Variants in SLC26A4 observed in about 807,000 individuals in gnomAD.
SLC26A4 encodes the protein pendrin.
Under a neutral mutation model 90.4 loss-of-function variants are expected in SLC26A4, and 93 were observed. That is an observed-to-expected ratio of 1.03 (90% CI 0.87 to 1.22). The LOEUF (loss-of-function observed/expected upper bound fraction) is 1.22. SLC26A4 is among the 50% of genes most tolerant of loss of function. SLC26A4 has a pLI of 0.00. For missense variants in SLC26A4, 1,127 were observed against 946.2 expected (o/e 1.19, Z -2.51); for synonymous variants, 393 against 354.6 (o/e 1.11, Z -1.22).
At position 107,716,959 on chromosome 7, in the gene SLC26A4, T is replaced by A. The variant is rs981570991; in HGVS notation, c.*1513T>A. On this transcript the variant is annotated 3_prime_UTR_variant, in exon 21 of 21. Transcript: ENST00000644269. ...ATTAATGATCATACAAATGGGTTAA[T>A]CCTGAATTCTGGTTGTAAATCTGGT... 1 of 152,240 alleles carries A rather than the reference T, an allele frequency of 6.6e-6. No individual in the cohort carries two copies. The highest frequency in any genetic ancestry group is 2.4e-5 in the African/African-American group (1 of 41,464). The allele number at this position is 152,240 out of a possible 1,614,324, so 9.4% of individuals were successfully genotyped here.
chr7:107,691,512 T>TCTAC (rs1554359054), intron 10 of SLC26A4, among the ~76,000 whole-genome samples: 1 of 110,520 alleles, frequency 9.0e-6, no homozygotes, highest in African/African-American at 4.0e-5. Flanking sequence ...CAAATATATA[T>TCTAC]ATACACACAC....
chr7:107,699,553 T>C (rs1791828677), intron 14 of SLC26A4, among the ~76,000 whole-genome samples: 1 of 152,202 alleles, frequency 6.6e-6, no homozygotes, highest in African/African-American at 2.4e-5. Context: ...TAAATTGCTT[T>C]CTAAGGCCCT....
chr7:107,689,170 C>A lies in SLC26A4; in HGVS notation c.1119C>A (p.Thr373=). 2 of 1,613,768 alleles carry A rather than the reference C, an allele frequency of 1.2e-6. No homozygotes were observed. Among genetic ancestry groups the A allele is most frequent in the Non-Finnish European group, 1.7e-6 (2 of 1,179,804 alleles). The change falls in exon 9 of 21, where the codon ACC becomes ACA. Residue 373 remains threonine (T), a synonymous_variant. Coordinates refer to ENST00000644269, the MANE Select transcript of SLC26A4 (RefSeq NM_000441.2). The part of the protein sequence containing the change: ...IAVSVGKVYA[T]KYDYTIDGNQ... ...TGTCAGTAGGAAAAGTATATGCCACCAAGTATGATTACACCATCGATGGGA... is the reference window on the plus strand; with the variant it reads ...TGTCAGTAGGAAAAGTATATGCCACAAAGTATGATTACACCATCGATGGGA...
intron 10 of SLC26A4, among the ~76,000 whole-genome samples, chr7:107,691,514 T>TATACACAC (rs1417607238): frequency 0.018 from 2,327 of 130,990 alleles, 41 homozygotes; most frequent in Middle Eastern, 0.057. Context: ...AATATATATA[T>TATACACAC]ACACACACAC....
chr7:107,685,877 T>C (rs1791383062), intron 8 of SLC26A4, among the ~76,000 whole-genome samples: 1 of 152,148 alleles, frequency 6.6e-6, no homozygotes, highest in South Asian at 2.1e-4. Context: ...TGTGTGTATG[T>C]GTGTGTGTGT....
intron 8 of SLC26A4, among the ~76,000 whole-genome samples, chr7:107,686,272 C>T (rs1328352735): frequency 2.5e-4 from 33 of 130,300 alleles, no homozygotes; most frequent in African/African-American, 9.5e-4. Context: ...TCCCTTCCTT[C>T]CCTCCCTTCC....
chr7:107,666,952 G>A (rs1790731916), intron 3 of SLC26A4, among the ~76,000 whole-genome samples: 1 of 152,346 alleles, frequency 6.6e-6, no homozygotes, highest in African/African-American at 2.4e-5. Context: ...AGAGCTGCAA[G>A]ATAGGAATAT....
chr7:107,712,635 T>C lies in SLC26A4; in HGVS notation c.2319+13T>C, dbSNP rs1259186655. On this transcript the variant is annotated intron_variant, in intron 20 of 20. Coordinates refer to ENST00000644269, the MANE Select transcript of SLC26A4 (RefSeq NM_000441.2). ...TGTCCAGGATGAGGTATGATCATTT[T>C]CTTCTGAAGAAAATATTTGAATTAC... 6 of 1,354,438 alleles carry C rather than the reference T, an allele frequency of 4.4e-6. No individual in the cohort carries two copies. Among genetic ancestry groups the C allele is most frequent in the Non-Finnish European group, 6.4e-6 (6 of 943,552 alleles). The allele number at this position is 1,354,438 out of a possible 1,614,324, so 83.9% of individuals were successfully genotyped here. A position where few individuals can be genotyped will look rare whatever the true frequency, so the allele number is the denominator to read the frequency against.
chr7:107,691,108 T>TACACAC (rs113420862), intron 10 of SLC26A4, among the ~76,000 whole-genome samples: 33,603 of 141,276 alleles, frequency 0.24, 4,193 homozygotes, highest in East Asian at 0.39. Context: ...CATAGTGCAA[T>TACACAC]ACACACACAC....
chr7:107,707,221 CA>C (rs1422478248), intron 18 of SLC26A4, among the ~76,000 whole-genome samples: 2 of 152,102 alleles, frequency 1.3e-5, no homozygotes, highest in Non-Finnish European at 2.9e-5. Flanking sequence ...ATCTGGAAAA[CA>C]AATATTAAAA....
At chr7:107,701,806 G>A in intron 16 of SLC26A4, 21 bp from the exon 17 acceptor site, 2 of 1,409,616 alleles carry the variant, frequency 1.4e-6, no homozygotes, top group Non-Finnish European at 2.0e-6. Flanking sequence ...CAATTAAGTT[G>A]ACAGTGTTTT....
At chr7:107,666,205 ATT>A (rs1015102884) in intron 3 of SLC26A4, among the ~76,000 whole-genome samples, 1 of 152,166 alleles carries the variant, frequency 6.6e-6, no homozygotes, top group Admixed American at 6.5e-5. Flanking sequence ...ATAGGGATTA[ATT>A]TGAAAGGTGG....
chr7:107,663,383 G>T lies in SLC26A4; in HGVS notation c.252G>T (p.Leu84=), dbSNP rs2129309190. The part of the protein sequence containing the change: ...WLPKYRVKEW[L]LSDVISGVST... Reference sequence around the variant, plus strand: ...CCAAATACCGAGTCAAGGAATGGCTGCTTAGTGACGTCATTTCGGGAGTTA... The same window carrying T: ...CCAAATACCGAGTCAAGGAATGGCTTCTTAGTGACGTCATTTCGGGAGTTA... Residue 84 remains leucine (L), a synonymous_variant, in exon 3 of 21, where the codon CTG becomes CTT. Transcript: ENST00000644269. The T allele has an allele frequency of 1.9e-6, 3 of 1,614,132 alleles. No homozygotes were observed. The highest frequency in any genetic ancestry group is 2.5e-6 in the Non-Finnish European group (3 of 1,179,976).
chr7:107,672,995 C>T (rs1047344112), intron 4 of SLC26A4, among the ~76,000 whole-genome samples: 1 of 152,130 alleles, frequency 6.6e-6, no homozygotes, highest in Non-Finnish European at 1.5e-5. Context: ...CTACTTTATC[C>T]CCAACCCATG....
intron 3 of SLC26A4, 85 bp from the exon 4 acceptor site, chr7:107,672,053 C>A: frequency 1.2e-6 from 1 of 839,892 alleles, no homozygotes; most frequent in South Asian, 1.3e-5. Context: ...AAGGCAAAGT[C>A]ATAAGTGGAA....
chr7:107,700,816 C>A (rs1291467223), intron 15 of SLC26A4, among the ~76,000 whole-genome samples: 3 of 152,060 alleles, frequency 2.0e-5, no homozygotes, highest in African/African-American at 7.2e-5. Context: ...TTTGGAAAAC[C>A]CAGACTTAAA....
At chr7:107,697,932 A>G (rs1317073303) in intron 13 of SLC26A4, 110 bp from the exon 14 acceptor site, 6 of 747,006 alleles carry the variant, frequency 8.0e-6, no homozygotes, top group Non-Finnish European at 1.5e-5. Context: ...CAATAAAGAC[A>G]GAGTCCAAAA....
rs752697598 is a variant in SLC26A4, at chr7:107,661,468, T to TG, written c.-3-167dup. 6.8e-5 allele frequency: 50 copies of TG among 734,948 alleles called. No individual in the cohort carries two copies. The highest frequency in any genetic ancestry group is 1.1e-4 in the Non-Finnish European group (48 of 441,760). 45.5% of individuals were successfully genotyped at this position (734,948 alleles called of 1,614,324 possible). The stretch of plus-strand genomic sequence containing the variant: ...CCCTGCAGGCTGGCCGTGCGCGCCG[T>TG]GGGGCGCTTGTCGCGAGCGCCGAGG... On this transcript the variant is annotated intron_variant, in intron 1 of 20. Coordinates refer to ENST00000644269, the MANE Select transcript of SLC26A4 (RefSeq NM_000441.2). The surrounding 1 kb of genome is among the most constrained non-coding windows in gnomAD (Gnocchi z 5.1).
chr7:107,664,585 G>A (rs1449648813), intron 3 of SLC26A4, among the ~76,000 whole-genome samples: 2 of 152,182 alleles, frequency 1.3e-5, no homozygotes, highest in Non-Finnish European at 2.9e-5. Flanking sequence ...GAAAAGTGAA[G>A]GGAGCTTCCT....
Sources: allele counts gnomAD v4.1 joint callset (sites outside exome capture counted in the v4.1 genomes callset), GRCh38; gene constraint gnomAD v4.1.1; non-coding constraint Gnocchi (gnomAD v3.1); transcripts MANE v1.5; gene names NCBI Gene and HGNC (gene_info 2026-07-23, HGNC 2026-07-21).